The following GPC6 variants were observed in gnomAD, a reference collection of about 807,000 sequenced individuals.
GPC6 encodes glypican 6.
In GPC6, 14 loss-of-function variants were observed where a neutral mutation model predicts 55.2. The ratio of observed to expected loss-of-function variants is 0.25; its 90% CI spans 0.17 to 0.40. The LOEUF (loss-of-function observed/expected upper bound fraction) is 0.40, where lower values mean the gene tolerates loss of function less well. Ranked by LOEUF, GPC6 falls within the 10% of genes least tolerant of loss-of-function variation. The pLI is 1.00. For synonymous variants in GPC6, 278 were observed against 259.6 expected, an observed-to-expected ratio of 1.07 and a Z score of -0.68; for missense variants, 641 against 708.5, an observed-to-expected ratio of 0.90 and a Z score of 1.08.
chr13:94,387,682 G>A (rs779674524), intron 7 of GPC6, among the ~76,000 whole-genome samples: 1 of 151,702 alleles, frequency 6.6e-6, no homozygotes, highest in Non-Finnish European at 1.5e-5. Context: ...TCTTGAGGGT[G>A]CAGCCCTCAT....
intron 3 of GPC6, among the ~76,000 whole-genome samples, chr13:93,890,963 TTAACCCTG>T (rs1875648006): frequency 6.6e-6 from 1 of 152,046 alleles, no homozygotes; most frequent in South Asian, 2.1e-4. Flanking sequence ...TTTATCTCAT[TTAACCCTG>T]TAACACTAGC....
chr13:93,587,181 G>T (rs1793782087), intron 2 of GPC6, among the ~76,000 whole-genome samples: 1 of 151,742 alleles, frequency 6.6e-6, no homozygotes, highest in Non-Finnish European at 1.5e-5. Context: ...GTAAAATAGG[G>T]ATATAATATT....
chr13:93,820,957 CT>C (rs990147278), intron 2 of GPC6, among the ~76,000 whole-genome samples: 1 of 152,090 alleles, frequency 6.6e-6, no homozygotes, highest in African/African-American at 2.4e-5. Flanking sequence ...AGAAAAGGAA[CT>C]TTTATTCTAC....
chr13:93,943,057 C>G (rs1878814774), intron 3 of GPC6, among the ~76,000 whole-genome samples: 1 of 152,134 alleles, frequency 6.6e-6, no homozygotes, highest in Admixed American at 6.5e-5. Context: ...GGCTCTGCTG[C>G]AGGCTTTTCA....
intron 2 of GPC6, among the ~76,000 whole-genome samples, chr13:93,824,415 T>C (rs1440921139): frequency 6.6e-6 from 1 of 152,142 alleles, no homozygotes; most frequent in Non-Finnish European, 1.5e-5. Context: ...TGCTTAAATG[T>C]AGTATGTGAG....
chr13:93,221,821 G>A (rs77768471), upstream of GPC6, among the ~76,000 whole-genome samples: 22 of 152,222 alleles, frequency 1.4e-4, no homozygotes, highest in East Asian at 4.1e-3. Context: ...AAGCGATTTT[G>A]ATTTGTGCCA....
intron 2 of GPC6, among the ~76,000 whole-genome samples, chr13:93,790,041 T>C (rs1218533302): frequency 6.6e-6 from 1 of 152,284 alleles, no homozygotes; most frequent in Middle Eastern, 3.4e-3. Context: ...TGTGGCAACA[T>C]GTATGATGCC....
chr13:93,983,010 G>T (rs1880873739), intron 3 of GPC6, among the ~76,000 whole-genome samples: 1 of 152,120 alleles, frequency 6.6e-6, no homozygotes, highest in Non-Finnish European at 1.5e-5. Context: ...ATTCTAGTCT[G>T]GGCTGAGGCT....
intron 2 of GPC6, among the ~76,000 whole-genome samples, chr13:93,614,450 T>C (rs1878632225): frequency 6.6e-6 from 1 of 152,154 alleles, no homozygotes; most frequent in African/African-American, 2.4e-5. Flanking sequence ...TACTTCTATG[T>C]ATCTCTGTTT....
chr13:93,223,275 A>G (rs1024393220), upstream of GPC6, among the ~76,000 whole-genome samples: 8 of 152,122 alleles, frequency 5.3e-5, no homozygotes, highest in Non-Finnish European at 1.0e-4. Context: ...ATTTTTCTCT[A>G]CAACTGAAAG....
intron 1 of GPC6, among the ~76,000 whole-genome samples, chr13:93,453,660 T>C (rs992553545): frequency 1.3e-5 from 2 of 151,010 alleles, no homozygotes; most frequent in Non-Finnish European, 3.0e-5. Flanking sequence ...GGCTCAGGAG[T>C]GAAGCTGCAG....
At chr13:93,375,378 A>G (rs1378862962) in intron 1 of GPC6, among the ~76,000 whole-genome samples, 1 of 152,202 alleles carries the variant, frequency 6.6e-6, no homozygotes, top group Non-Finnish European at 1.5e-5. Flanking sequence ...AATCTGCAGA[A>G]GCAGAATTTC....
chr13:93,425,668 C>A (rs1036960404), intron 1 of GPC6, among the ~76,000 whole-genome samples: 2 of 152,164 alleles, frequency 1.3e-5, no homozygotes, highest in Non-Finnish European at 2.9e-5. Context: ...GTGAAACCAG[C>A]ACTGCTTGGC....
At chr13:93,685,313 C>T (rs2138772054) in intron 2 of GPC6, among the ~76,000 whole-genome samples, 1 of 152,272 alleles carries the variant, frequency 6.6e-6, no homozygotes, top group Non-Finnish European at 1.5e-5. Context: ...TGTCAAGTCT[C>T]ACGCTTTGTG....
Position 93,494,068 on chromosome 13 carries a change from T to A in GPC6, c.161-51195T>A, listed in dbSNP as rs921387302. Among the ~76,000 whole-genome samples, 2 of 125,856 alleles carry A rather than the reference T, an allele frequency of 1.6e-5. 1 individual carries two copies. The highest frequency in any genetic ancestry group is 3.4e-5 in the Non-Finnish European group (2 of 59,494). The allele number at this position is 125,856 out of a possible 152,430, so 82.6% of individuals were successfully genotyped here. On this transcript the variant is annotated intron_variant, in intron 1 of 8. Coordinates refer to ENST00000377047, the MANE Select transcript of GPC6 (RefSeq NM_005708.5). Reference sequence around the variant, plus strand: ...TTGGTGCAGCGCTGAGTTCAATTCCTGGGTATCCTTGTTGACTTTCTGTCT... The same window carrying A: ...TTGGTGCAGCGCTGAGTTCAATTCCAGGGTATCCTTGTTGACTTTCTGTCT...
At chr13:93,401,155 C>CAT (rs1876057314) in intron 1 of GPC6, among the ~76,000 whole-genome samples, 1 of 143,456 alleles carries the variant, frequency 7.0e-6, no homozygotes, top group Admixed American at 6.9e-5. Context: ...AGGTATTTGT[C>CAT]GTGTGTGTGT....
intron 3 of GPC6, among the ~76,000 whole-genome samples, chr13:93,915,373 G>T (rs1566601316): frequency 1.3e-5 from 2 of 152,154 alleles, no homozygotes; most frequent in Admixed American, 6.5e-5. Flanking sequence ...CTGCCTGAAG[G>T]CCATGATAGG....
chr13:93,514,120 G>T (rs899645362), intron 1 of GPC6, among the ~76,000 whole-genome samples: 1 of 151,852 alleles, frequency 6.6e-6, no homozygotes, highest in Non-Finnish European at 1.5e-5. Flanking sequence ...TGATCCACCC[G>T]CCTCAGCCTC....
At chr13:93,639,218 AT>A (rs1024130348) in intron 2 of GPC6, among the ~76,000 whole-genome samples, 42 of 152,270 alleles carry the variant, frequency 2.8e-4, no homozygotes, top group African/African-American at 9.9e-4. Context: ...TGGAGAAGTC[AT>A]TGAAACTCAC....
Sources: gnomAD v4.1 joint callset for allele counts (sites outside exome capture counted in the v4.1 genomes callset) on GRCh38, gnomAD v4.1.1 for gene constraint, MANE v1.5 for transcripts, NCBI Gene and HGNC (gene_info 2026-07-23, HGNC 2026-07-21) for gene names.